ZNG1C: variants seen among roughly 807,000 people sequenced by gnomAD.
ZNG1C encodes the protein Zn regulated GTPase metalloprotein activator 1C, also known as zinc-regulated GTPase metalloprotein activator 1C.
chr9:68,272,187 AC>A, the ZNG1C span, among the ~76,000 whole-genome samples: 1 of 115,932 alleles, frequency 8.6e-6, no homozygotes, highest in Non-Finnish European at 1.8e-5. Context: ...CTGCAATTCC[AC>A]CCCCACCGAG....
At chr9:68,259,614 C>A in the ZNG1C span, among the ~76,000 whole-genome samples, 4 of 143,374 alleles carry the variant, frequency 2.8e-5, no homozygotes, top group East Asian at 6.1e-4. Context: ...CAGCTTCAAG[C>A]GATTCCCTTG....
the ZNG1C span, among the ~76,000 whole-genome samples, chr9:68,276,453 C>A: frequency 8.6e-6 from 1 of 116,478 alleles, no homozygotes; most frequent in South Asian, 2.9e-4. Flanking sequence ...ACGTTTAAGT[C>A]TTTAATCCAT....
the ZNG1C span, among the ~76,000 whole-genome samples, chr9:68,275,431 C>T: frequency 1.1e-4 from 16 of 149,046 alleles, no homozygotes; most frequent in Admixed American, 1.1e-3. Context: ...CCCACTAACT[C>T]GTCATCTAGC....
the ZNG1C span, among the ~76,000 whole-genome samples, chr9:68,247,298 GA>G: frequency 2.0e-4 from 30 of 151,134 alleles, 1 homozygote; most frequent in African/African-American, 6.9e-4. Flanking sequence ...AGTCGATTTA[GA>G]AAGTTTACCC....
At chr9:68,261,150 GT>G in the ZNG1C span, 1 of 11,268 alleles carries the variant, frequency 8.9e-5, no homozygotes, top group East Asian at 1.4e-3. Flanking sequence ...TGTTACATCT[GT>G]AACCAATCCA....
the ZNG1C span, among the ~76,000 whole-genome samples, chr9:68,280,016 CT>C: frequency 7.2e-6 from 1 of 139,534 alleles, no homozygotes; most frequent in Non-Finnish European, 1.6e-5. Flanking sequence ...TCTTTTTATT[CT>C]TTTTTCTCTA....
chr9:68,248,853 A>T, the ZNG1C span: 2 of 491,414 alleles, frequency 4.1e-6, no homozygotes, highest in South Asian at 4.5e-5. Flanking sequence ...AAGAAGGGGA[A>T]ATTTGATGAC....
the ZNG1C span, among the ~76,000 whole-genome samples, chr9:68,281,296 T>C: frequency 6.6e-6 from 1 of 152,250 alleles, no homozygotes; most frequent in Admixed American, 6.5e-5. Context: ...TCGCCTGTCT[T>C]CTGCGTCTCT....
the ZNG1C span, among the ~76,000 whole-genome samples, chr9:68,294,259 A>G: frequency 1.7e-5 from 2 of 115,896 alleles, no homozygotes; most frequent in Non-Finnish European, 3.5e-5. Flanking sequence ...GTCACATCTC[A>G]AAGAACTAGA....
chr9:68,299,234 A>C, the ZNG1C span: 2 of 1,567,120 alleles, frequency 1.3e-6, no homozygotes, highest in East Asian at 4.5e-5. Flanking sequence ...CATCTTTGTC[A>C]CATTACAACG....
the ZNG1C span, among the ~76,000 whole-genome samples, chr9:68,276,122 A>G: frequency 6.7e-6 from 1 of 149,210 alleles, no homozygotes; most frequent in East Asian, 1.9e-4. Context: ...GTGTCTGTTC[A>G]TGTCCTTCGC....
At chr9:68,278,956 G>T in the ZNG1C span, among the ~76,000 whole-genome samples, 9 of 43,606 alleles carry the variant, frequency 2.1e-4, no homozygotes, top group South Asian at 1.2e-3. Context: ...CTCTTTGTAG[G>T]TCACTCAGGA....
At chr9:68,276,439 T>C in the ZNG1C span, among the ~76,000 whole-genome samples, 1 of 95,262 alleles carries the variant, frequency 1.0e-5, no homozygotes, top group Non-Finnish European at 2.3e-5. Context: ...TGGTTTTAGG[T>C]CGAACGTTTA....
chr9:68,294,414 A>G, the ZNG1C span, among the ~76,000 whole-genome samples: 4 of 61,322 alleles, frequency 6.5e-5, no homozygotes, highest in African/African-American at 2.7e-4. Context: ...ACCGTTAGCA[A>G]GATTAGCCAA....
At chr9:68,287,562 G>C in the ZNG1C span, among the ~76,000 whole-genome samples, 1 of 152,300 alleles carries the variant, frequency 6.6e-6, no homozygotes, top group African/African-American at 2.4e-5. Flanking sequence ...AAAAACAAAT[G>C]TATTTTAATA....
chr9:68,266,658 G>A, the ZNG1C span, among the ~76,000 whole-genome samples: 3 of 145,890 alleles, frequency 2.1e-5, no homozygotes, highest in African/African-American at 7.8e-5. Context: ...GTCAGTTCCT[G>A]TCTTTACTCA....
the ZNG1C span, among the ~76,000 whole-genome samples, chr9:68,275,344 A>C: frequency 7.1e-6 from 1 of 141,348 alleles, no homozygotes; most frequent in Admixed American, 7.3e-5. Context: ...ATTTATTATT[A>C]TTTAAGTTTT....
At chr9:68,281,182 G>A in the ZNG1C span, among the ~76,000 whole-genome samples, 9 of 152,088 alleles carry the variant, frequency 5.9e-5, no homozygotes, top group East Asian at 1.9e-4. Flanking sequence ...ACAATGCCTC[G>A]CCCTGCTTTG....
the ZNG1C span, among the ~76,000 whole-genome samples, chr9:68,276,036 G>T: frequency 6.6e-6 from 1 of 152,056 alleles, no homozygotes; most frequent in African/African-American, 2.4e-5. Context: ...GTTTTGATTT[G>T]CATTTCTCTG....
Sources: allele counts gnomAD v4.1 joint callset (sites outside exome capture counted in the v4.1 genomes callset), GRCh38; gene constraint gnomAD v4.1.1; transcripts MANE v1.5; gene names NCBI Gene and HGNC (gene_info 2026-07-23, HGNC 2026-07-21).